ATP9B: variants seen among roughly 807,000 people sequenced by gnomAD.
ATP9B encodes ATPase phospholipid transporting 9B.
ATP9B carries 110 observed loss-of-function variants against 146.1 expected under a neutral mutation model. That is an observed-to-expected ratio of 0.75 (90% CI 0.65 to 0.88). The LOEUF (loss-of-function observed/expected upper bound fraction) is 0.88, where lower values mean the gene tolerates loss of function less well. ATP9B is among the 40% of genes least tolerant of loss of function. The pLI, the probability that ATP9B is intolerant of heterozygous loss-of-function variation, is 0.00. For missense variants in ATP9B, 1,499 were observed against 1,496.4 expected (o/e 1.00, Z -0.03); for synonymous variants, 604 against 569.7 (o/e 1.06, Z -0.86).
intron 1 of ATP9B, among the ~76,000 whole-genome samples, chr18:79,088,219 T>C (rs559357493): frequency 3.2e-4 from 48 of 152,362 alleles, no homozygotes; most frequent in Non-Finnish European, 5.7e-4. Flanking sequence ...GTTTCCCGCA[T>C]TAAACTTGAT....
intron 7 of ATP9B, among the ~76,000 whole-genome samples, chr18:79,160,749 T>G (rs964152127): frequency 6.6e-6 from 1 of 150,588 alleles, no homozygotes; most frequent in Non-Finnish European, 1.5e-5. Context: ...TTTATGGGTT[T>G]GTTTGTGTTT....
At chr18:79,334,879 G>A (rs1031455451) in intron 17 of ATP9B, among the ~76,000 whole-genome samples, 5 of 150,746 alleles carry the variant, frequency 3.3e-5, no homozygotes, top group Non-Finnish European at 7.4e-5. Flanking sequence ...GAGACCCACC[G>A]GTGCCCTCCC....
At chr18:79,072,743 C>T (rs2072040101) in intron 1 of ATP9B, among the ~76,000 whole-genome samples, 1 of 87,108 alleles carries the variant, frequency 1.1e-5, no homozygotes, top group African/African-American at 3.9e-5. Flanking sequence ...GGCGGGGGCG[C>T]CCCCCACCTC....
chr18:79,372,254 T>C (rs1247155946), intron 26 of ATP9B: 1 of 65,912 alleles, frequency 1.5e-5, no homozygotes, highest in Non-Finnish European at 2.9e-5. Context: ...CCCTGCCTCC[T>C]GCCCCCTCGT....
intron 11 of ATP9B, among the ~76,000 whole-genome samples, chr18:79,238,209 T>C (rs1359881658): frequency 3.3e-5 from 5 of 152,190 alleles, no homozygotes; most frequent in Non-Finnish European, 7.3e-5. Flanking sequence ...TACTGTCATG[T>C]TGAAATTTAC....
At chr18:79,287,226 T>C (rs1316985669) in intron 13 of ATP9B, among the ~76,000 whole-genome samples, 1 of 152,200 alleles carries the variant, frequency 6.6e-6, no homozygotes, top group African/African-American at 2.4e-5. Flanking sequence ...TGGTAGAATT[T>C]GGCTGTGAAT....
chr18:79,255,984 T>C (rs532765336), intron 12 of ATP9B, among the ~76,000 whole-genome samples: 1 of 152,310 alleles, frequency 6.6e-6, no homozygotes, highest in East Asian at 1.9e-4. Context: ...CAGAGCCTCA[T>C]AGCATGTTGT....
intron 8 of ATP9B, among the ~76,000 whole-genome samples, chr18:79,190,602 G>A (rs1458779490): frequency 1.3e-5 from 2 of 151,884 alleles, no homozygotes; most frequent in Non-Finnish European, 2.9e-5. Context: ...GGAGTGCAGT[G>A]GTGCGATCTC....
intron 5 of ATP9B, among the ~76,000 whole-genome samples, chr18:79,134,744 A>G (rs138889355): frequency 1.3e-5 from 2 of 152,326 alleles, no homozygotes; most frequent in Non-Finnish European, 2.9e-5. Context: ...TTTTTCTACT[A>G]AAAGGAATTT....
At chr18:79,186,329 T>C (rs2095308054) in intron 8 of ATP9B, among the ~76,000 whole-genome samples, 1 of 152,198 alleles carries the variant, frequency 6.6e-6, no homozygotes. Context: ...GAGGCTTTCC[T>C]CCGTTATTGA....
chr18:79,197,926 C>G (rs2095431551), intron 9 of ATP9B, among the ~76,000 whole-genome samples: 1 of 152,084 alleles, frequency 6.6e-6, no homozygotes, highest in South Asian at 2.1e-4. Flanking sequence ...AGAATAAGGA[C>G]ATGTAGTTTA....
intron 7 of ATP9B, among the ~76,000 whole-genome samples, chr18:79,158,637 C>T (rs924566019): frequency 1.3e-5 from 2 of 152,184 alleles, no homozygotes; most frequent in Admixed American, 1.3e-4. Flanking sequence ...CATATTTATA[C>T]ATTTTCTAAA....
At chr18:79,207,984 G>A (rs1039282325) in intron 10 of ATP9B, among the ~76,000 whole-genome samples, 26 of 152,214 alleles carry the variant, frequency 1.7e-4, no homozygotes, top group Non-Finnish European at 3.1e-4. Flanking sequence ...GGGGGCTCAC[G>A]CCTGGAATCC....
At chr18:79,256,286 T>TATATATACACACAC (rs398033647) in intron 12 of ATP9B, among the ~76,000 whole-genome samples, 5 of 123,070 alleles carry the variant, frequency 4.1e-5, no homozygotes, top group African/African-American at 1.3e-4. Flanking sequence ...TATATATATA[T>TATATATACACACAC]ACATACATAG....
intron 11 of ATP9B, among the ~76,000 whole-genome samples, chr18:79,233,703 G>T (rs11875532): frequency 0.012 from 1,805 of 152,276 alleles, 41 homozygotes; most frequent in African/African-American, 0.042. Flanking sequence ...CAGCAGAGGG[G>T]TTAGAAGTGC....
chr18:79,323,469 C>T (rs1047466131), intron 15 of ATP9B, among the ~76,000 whole-genome samples: 1 of 152,202 alleles, frequency 6.6e-6, no homozygotes, highest in African/African-American at 2.4e-5. Flanking sequence ...CGATATCCTT[C>T]CCGGACTCTG....
At chr18:79,156,334 A>G (rs1324115791) in intron 7 of ATP9B, among the ~76,000 whole-genome samples, 1 of 152,144 alleles carries the variant, frequency 6.6e-6, no homozygotes, top group Non-Finnish European at 1.5e-5. Context: ...AACTCTGGCC[A>G]AAGAGGGAGA....
intron 26 of ATP9B, among the ~76,000 whole-genome samples, chr18:79,370,036 T>TTGCA (rs1420876678): frequency 1.3e-5 from 2 of 151,722 alleles, no homozygotes; most frequent in African/African-American, 4.8e-5. Context: ...GAGGCGGAGG[T>TTGCA]TGCAGTGAGC....
intron 11 of ATP9B, among the ~76,000 whole-genome samples, chr18:79,217,525 G>A (rs535104389): frequency 1.5e-4 from 23 of 152,314 alleles, no homozygotes; most frequent in African/African-American, 5.5e-4. Flanking sequence ...TAACATAACA[G>A]GGAAATGAAA....
Sources: gnomAD v4.1 joint callset for allele counts (sites outside exome capture counted in the v4.1 genomes callset) on GRCh38, gnomAD v4.1.1 for gene constraint, MANE v1.5 for transcripts, NCBI Gene and HGNC (gene_info 2026-07-23, HGNC 2026-07-21) for gene names.